The following CDH11 variants were observed in gnomAD, a reference collection of about 807,000 sequenced individuals.
The protein encoded by CDH11 is cadherin-11.
CDH11 carries 11 observed loss-of-function variants against 67.8 expected under a neutral mutation model. That is an observed-to-expected ratio of 0.16 (90% confidence interval 0.10 to 0.27). The LOEUF is 0.27. Among genes scored for constraint, CDH11 ranks in the 10% least tolerant of loss-of-function variants. The pLI is 1.00. For missense variants in CDH11, 847 were observed against 1,031.2 expected (o/e 0.82, Z 2.45); for synonymous variants, 419 against 400.0 (o/e 1.05, Z -0.57).
chr16:65,110,505 C>A (rs543704394), intron 1 of CDH11, among the ~76,000 whole-genome samples: 1 of 152,208 alleles, frequency 6.6e-6, no homozygotes, highest in South Asian at 2.1e-4. Flanking sequence ...GAAGGCACCA[C>A]GGTTGTCCCC....
At chr16:64,971,759 A>C in intron 10 of CDH11, 63 bp from the exon 11 acceptor site, 1 of 1,435,560 alleles carries the variant, frequency 7.0e-7, no homozygotes, top group Non-Finnish European at 9.8e-7. Flanking sequence ...TTATTCAAAA[A>C]TTTCTGGCTG....
intron 6 of CDH11, among the ~76,000 whole-genome samples, chr16:64,990,387 G>T (rs1372955894): frequency 6.6e-6 from 1 of 152,000 alleles, no homozygotes; most frequent in Admixed American, 6.6e-5. Flanking sequence ...GCCTTCCTGG[G>T]GCCACATTTA....
intron 8 of CDH11, among the ~76,000 whole-genome samples, chr16:64,975,786 A>AC (rs2142438615): frequency 6.6e-6 from 1 of 152,204 alleles, no homozygotes; most frequent in South Asian, 2.1e-4. Context: ...GATCAATCAT[A>AC]CCCCCAACCT....
At chr16:65,100,756 AAG>A (rs2074978270) in intron 1 of CDH11, among the ~76,000 whole-genome samples, 1 of 151,704 alleles carries the variant, frequency 6.6e-6, no homozygotes, top group Non-Finnish European at 1.5e-5. Context: ...AAAAAAAAGA[AAG>A]AAAGAAAAAG....
intron 8 of CDH11, among the ~76,000 whole-genome samples, chr16:64,977,567 G>T (rs1446919207): frequency 1.3e-5 from 2 of 152,180 alleles, no homozygotes; most frequent in African/African-American, 2.4e-5. Context: ...TGTTAGAAGG[G>T]TCCATAGTCA....
At chr16:64,981,816 G>A (rs1251852179) in intron 8 of CDH11, 3 of 382,474 alleles carry the variant, frequency 7.8e-6, no homozygotes, top group African/African-American at 4.1e-5. Context: ...TATGCCTGGG[G>A]GAATCTGCTC....
intron 2 of CDH11, among the ~76,000 whole-genome samples, chr16:65,015,830 G>A (rs764725651): frequency 2.0e-5 from 3 of 152,220 alleles, no homozygotes; most frequent in Non-Finnish European, 4.4e-5. Context: ...TAACAGACAA[G>A]GGCTTGATGT....
At chr16:65,122,131 C>A (rs1238702154), upstream of CDH11, 32 of 49,598 alleles carry the variant, frequency 6.5e-4, no homozygotes, top group East Asian at 6.0e-3. Flanking sequence ...CAGGCGGGTG[C>A]GGGGCGGGGG....
In CDH11 at chr16:64,944,104, C is replaced by T. The variant is rs2071154537; in HGVS notation, c.*3499G>A. On this transcript the variant is annotated 3_prime_UTR_variant, in exon 13 of 13. Transcript: ENST00000268603. ...CTGGAGAGGTTCGCAGGGCCCTGTT[C>T]ATGTAAAGCAATAAAATAAAGGCAT... The T allele has an allele frequency of 4.3e-6, 1 of 232,604 alleles. No homozygotes were observed. The highest frequency in any genetic ancestry group is 8.5e-6 in the Non-Finnish European group (1 of 117,702). 14.4% of individuals were successfully genotyped at this position (232,604 alleles called of 1,614,324 possible).
chr16:64,946,611 G>GA lies in CDH11; in HGVS notation c.*991dup. 1 of 1,029,826 alleles carries GA rather than the reference G, an allele frequency of 9.7e-7. No individual in the cohort carries two copies. The highest frequency in any genetic ancestry group is 1.2e-6 in the Non-Finnish European group (1 of 856,316). The allele number at this position is 1,029,826 out of a possible 1,614,324, so 63.8% of individuals were successfully genotyped here. A position where few individuals can be genotyped will look rare whatever the true frequency, so the allele number is the denominator to read the frequency against. ...TACATGATGTTACAGAATCTTGTCT[G>GA]AAAAAACATTTGTAAAACATATTTG... On this transcript the variant is annotated 3_prime_UTR_variant, in exon 13 of 13. Coordinates refer to ENST00000268603, the MANE Select transcript of CDH11 (RefSeq NM_001797.4).
intron 1 of CDH11, among the ~76,000 whole-genome samples, chr16:65,075,356 C>T (rs774810054): frequency 2.0e-5 from 3 of 152,144 alleles, no homozygotes; most frequent in Admixed American, 6.5e-5. Context: ...TCCTAAAGCC[C>T]GTTTCCCTGT....
At chr16:65,042,145 T>C (rs1429947375) in intron 2 of CDH11, among the ~76,000 whole-genome samples, 1 of 152,212 alleles carries the variant, frequency 6.6e-6, no homozygotes, top group Non-Finnish European at 1.5e-5. Flanking sequence ...GCTACTAGTA[T>C]GGATGGCGCT....
At chr16:65,091,472 C>T (rs535701530) in intron 1 of CDH11, among the ~76,000 whole-genome samples, 1 of 152,146 alleles carries the variant, frequency 6.6e-6, no homozygotes, top group Non-Finnish European at 1.5e-5. Context: ...CTGAATCCCA[C>T]ATATGTCTTC....
chr16:65,040,484 G>T (rs141785755), intron 2 of CDH11, among the ~76,000 whole-genome samples: 1,658 of 151,016 alleles, frequency 0.011, 30 homozygotes, highest in African/African-American at 0.038. Context: ...CGTGTTCTCA[G>T]TCATAGGTGG....
intron 2 of CDH11, among the ~76,000 whole-genome samples, chr16:65,023,577 C>T (rs968688014): frequency 3.3e-5 from 5 of 152,190 alleles, no homozygotes; most frequent in African/African-American, 1.2e-4. Context: ...AGAGCAGTGG[C>T]ATGGGCTACT....
intron 1 of CDH11, among the ~76,000 whole-genome samples, chr16:65,071,597 A>C (rs964487187): frequency 3.3e-5 from 5 of 152,150 alleles, no homozygotes; most frequent in African/African-American, 7.2e-5. Context: ...AGAAGATGGA[A>C]ATAGTGCCCC....
intron 2 of CDH11, among the ~76,000 whole-genome samples, chr16:65,011,116 TAC>T (rs72092682): frequency 0.18 from 24,061 of 131,338 alleles, 2,578 homozygotes; most frequent in East Asian, 0.43. Flanking sequence ...TATATATACA[TAC>T]ACACACACAC....
In CDH11 at chr16:64,988,242, T is replaced by A. The variant is rs2072536600; in HGVS notation, c.914A>T (p.Tyr305Phe). The A allele has an allele frequency of 6.2e-7, 1 of 1,613,478 alleles. No individual in the cohort carries two copies. Among genetic ancestry groups the A allele is most frequent in the Non-Finnish European group, 8.5e-7 (1 of 1,179,480 alleles). Residue 305 changes from tyrosine to phenylalanine, a missense_variant, in exon 7 of 13, where the codon TAC (tyrosine) becomes TTC (phenylalanine). By Grantham distance (22) the Tyr-to-Phe change is conservative. This residue lies in a region of CDH11 where 612 missense variants were observed against 678.7 expected (regional missense o/e 0.90). Transcript: ENST00000268603. ...CATACCATCTCCATCAACAATATTG[T>A]ATGTGACTAAGCCATTTTCTCCAAT... The part of the protein sequence containing the change: ...PDIGENGLVT[Y>F]NIVDGDGMES...
upstream of CDH11, among the ~76,000 whole-genome samples, chr16:65,122,633 C>T (rs1034675043): frequency 6.6e-6 from 1 of 152,194 alleles, no homozygotes; most frequent in Non-Finnish European, 1.5e-5. Context: ...TTGGCGGCTC[C>T]TGCCCAGCCC....
Sources: allele counts gnomAD v4.1 joint callset (sites outside exome capture counted in the v4.1 genomes callset), GRCh38; gene constraint gnomAD v4.1.1; regional missense constraint gnomAD v4.1.1; transcripts MANE v1.5; gene names NCBI Gene and HGNC (gene_info 2026-07-23, HGNC 2026-07-21).